DACH1: variants seen among roughly 807,000 people sequenced by gnomAD.
DACH1 encodes dachshund family transcription factor 1.
Under a neutral mutation model 54.2 loss-of-function variants are expected in DACH1, and 12 were observed. That is an observed-to-expected ratio of 0.22 (90% CI 0.14 to 0.36). The LOEUF is 0.36. Among genes scored for constraint, DACH1 ranks in the 10% least tolerant of loss-of-function variants. The probability of loss-of-function intolerance (pLI) is 1.00; values close to 1 mark genes in which losing one functional copy is unlikely to be tolerated. For missense variants in DACH1, 805 were observed against 929.8 expected, an observed-to-expected ratio of 0.87 and a Z score of 1.75; for synonymous variants, 386 against 366.2, an observed-to-expected ratio of 1.05 and a Z score of -0.62.
Position 71,866,731 on chromosome 13 carries a change from C to A in DACH1, c.39G>T (p.Leu13=), listed in dbSNP as rs1268935107. The change falls in exon 1 of 11, where the codon CTG becomes CTT. Residue 13 remains leucine (L), a synonymous_variant. Coordinates refer to ENST00000613252, the MANE Select transcript of DACH1 (RefSeq NM_080759.6). ...VPAALIPPTQ[L]VPPQPPISTS... ...TGGAGATTGGGGGTTGAGGGGGGAC[C>A]AGCTGGGTCGGAGGGATCAAAGCCG... 9 of 1,437,830 alleles carry A rather than the reference C, an allele frequency of 6.3e-6. No individual in the cohort carries two copies. Among genetic ancestry groups the A allele is most frequent in the Non-Finnish European group, 8.3e-6 (9 of 1,086,456 alleles). The allele number at this position is 1,437,830 out of a possible 1,614,324, so 89.1% of individuals were successfully genotyped here.
intron 1 of DACH1, among the ~76,000 whole-genome samples, chr13:71,861,935 CAA>C (rs1472516506): frequency 6.9e-6 from 1 of 144,038 alleles, no homozygotes; most frequent in Non-Finnish European, 1.5e-5. Context: ...AAAATAGAGT[CAA>C]GAGTTGGAAA....
intron 1 of DACH1, among the ~76,000 whole-genome samples, chr13:71,845,340 T>C (rs1015356656): frequency 2.0e-5 from 3 of 152,192 alleles, no homozygotes; most frequent in Non-Finnish European, 2.9e-5. Context: ...TGTGCCAATA[T>C]GAAAAACAAG....
chr13:71,696,079 G>A lies in DACH1; in HGVS notation c.849-14169C>T, dbSNP rs144011696. 5.0e-3 allele frequency among the ~76,000 whole-genome samples: 760 copies of A among 152,234 alleles called. 5 individuals carry two copies. The highest frequency in any genetic ancestry group is 0.017 in the African/African-American group (713 of 41,538). The stretch of plus-strand genomic sequence containing the variant: ...AAAACAATGAGATCTAGGGAGGGGC[G>A]TAAGGGCTAAGGGATGCCAATCTGG... On this transcript the variant is annotated intron_variant, in intron 1 of 10. Coordinates refer to ENST00000613252, the MANE Select transcript of DACH1 (RefSeq NM_080759.6).
chr13:71,475,110 T>C lies in DACH1; in HGVS notation c.2083+31A>G, dbSNP rs538892486. 2.5e-6 allele frequency: 4 copies of C among 1,601,208 alleles called. No individual in the cohort carries two copies. The Admixed American group carries it at 6.7e-5, about 27-fold the overall frequency. ...CTGAGGAAAAACTCATATAGCAAGA[T>C]CTAGATTTATAGCCTTCTGCAAATT... On this transcript the variant is annotated intron_variant, in intron 10 of 10. Coordinates refer to ENST00000613252, the MANE Select transcript of DACH1 (RefSeq NM_080759.6).
chr13:71,752,751 G>C (rs1884983960), intron 1 of DACH1, among the ~76,000 whole-genome samples: 1 of 152,084 alleles, frequency 6.6e-6, no homozygotes, highest in Non-Finnish European at 1.5e-5. Flanking sequence ...CCTTAATCTA[G>C]TCATTGAAGA....
intron 1 of DACH1, among the ~76,000 whole-genome samples, chr13:71,717,704 T>G (rs1281748642): frequency 1.3e-5 from 2 of 152,150 alleles, no homozygotes; most frequent in African/African-American, 4.8e-5. Flanking sequence ...TCTAGTTTTC[T>G]TCAGATTCCT....
intron 1 of DACH1, among the ~76,000 whole-genome samples, chr13:71,719,413 C>A (rs1306391929): frequency 6.6e-6 from 1 of 152,154 alleles, no homozygotes; most frequent in Non-Finnish European, 1.5e-5. Context: ...TCTTTACAAA[C>A]TTAACACCCC....
At chr13:71,857,530 A>G (rs1874080181) in intron 1 of DACH1, among the ~76,000 whole-genome samples, 1 of 151,676 alleles carries the variant, frequency 6.6e-6, no homozygotes, top group Non-Finnish European at 1.5e-5. Flanking sequence ...TACCAAATGT[A>G]CGACAATTAT....
At chr13:71,810,974 G>A (rs1159909062) in intron 1 of DACH1, among the ~76,000 whole-genome samples, 1 of 151,990 alleles carries the variant, frequency 6.6e-6, no homozygotes, top group Non-Finnish European at 1.5e-5. Flanking sequence ...AGCATAGAGA[G>A]GCATTCTACT....
intron 7 of DACH1, among the ~76,000 whole-genome samples, chr13:71,482,196 A>T (rs1878100507): frequency 6.6e-6 from 1 of 152,126 alleles, no homozygotes; most frequent in African/African-American, 2.4e-5. Context: ...AAAATAATCT[A>T]ATTTGTAAAT....
chr13:71,696,127 C>T (rs1047613348), intron 1 of DACH1, among the ~76,000 whole-genome samples: 3 of 152,112 alleles, frequency 2.0e-5, no homozygotes, highest in African/African-American at 2.4e-5. Context: ...GCCTGGGTGA[C>T]GGGGTCATCT....
intron 6 of DACH1, among the ~76,000 whole-genome samples, chr13:71,545,976 T>C (rs1245803850): frequency 6.6e-6 from 1 of 152,078 alleles, no homozygotes; most frequent in Non-Finnish European, 1.5e-5. Flanking sequence ...TGGCAAAGCC[T>C]TCATAAATAT....
intron 1 of DACH1, among the ~76,000 whole-genome samples, chr13:71,811,193 T>G (rs1228615223): frequency 6.6e-6 from 1 of 152,148 alleles, no homozygotes; most frequent in East Asian, 1.9e-4. Context: ...GATTATAGAT[T>G]CCTTTGATAT....
At chr13:71,585,906 G>GA (rs1240841142) in intron 3 of DACH1, among the ~76,000 whole-genome samples, 9 of 151,000 alleles carry the variant, frequency 6.0e-5, no homozygotes, top group South Asian at 2.1e-4. Flanking sequence ...TGATAAAATA[G>GA]AAAAAAAAAT....
intron 10 of DACH1, among the ~76,000 whole-genome samples, chr13:71,469,495 T>A (rs1440192524): frequency 6.6e-6 from 1 of 152,104 alleles, no homozygotes; most frequent in Non-Finnish European, 1.5e-5. Flanking sequence ...GGGAATAATT[T>A]AACAATCCTA....
chr13:71,710,509 T>G (rs1172241425), intron 1 of DACH1, among the ~76,000 whole-genome samples: 1 of 150,826 alleles, frequency 6.6e-6, no homozygotes, highest in African/African-American at 2.4e-5. Context: ...TGTGTGTGTG[T>G]GATGAACAGG....
chr13:71,619,121 T>C (rs1876014809), intron 3 of DACH1, among the ~76,000 whole-genome samples: 1 of 151,638 alleles, frequency 6.6e-6, no homozygotes, highest in Admixed American at 6.6e-5. Context: ...TGTGTATATA[T>C]ATATATGGTG....
chr13:71,669,392 T>A (rs1422204758), intron 2 of DACH1, among the ~76,000 whole-genome samples: 1 of 152,170 alleles, frequency 6.6e-6, no homozygotes, highest in African/African-American at 2.4e-5. Context: ...ATGCGAGAGA[T>A]CTAGGTTGTA....
intron 6 of DACH1, among the ~76,000 whole-genome samples, chr13:71,556,528 T>G (rs890225411): frequency 1.3e-5 from 2 of 152,148 alleles, no homozygotes; most frequent in Non-Finnish European, 2.9e-5. Context: ...TATAAGAAAC[T>G]TTTTTAGCTA....
Sources: gnomAD v4.1 joint callset for allele counts (sites outside exome capture counted in the v4.1 genomes callset) on GRCh38, gnomAD v4.1.1 for gene constraint, MANE v1.5 for transcripts, NCBI Gene and HGNC (gene_info 2026-07-23, HGNC 2026-07-21) for gene names.